RBL1: variants seen among roughly 807,000 people sequenced by gnomAD.
RBL1 encodes retinoblastoma-like protein 1.
RBL1 carries 82 observed loss-of-function variants against 123.0 expected under a neutral mutation model. That is an observed-to-expected ratio of 0.67 (90% CI 0.56 to 0.80). The LOEUF is 0.80. RBL1 is among the 30% of genes least tolerant of loss of function. The pLI is 0.00. For missense variants in RBL1, 1,171 were observed against 1,299.6 expected (o/e 0.90, Z 1.52); for synonymous variants, 405 against 441.3 (o/e 0.92, Z 1.03).
rs2094080888 is a variant in RBL1, at chr20:37,018,269, G to A, written c.2722+10C>T. On this transcript the variant is annotated intron_variant, in intron 19 of 21. Coordinates refer to ENST00000373664, the MANE Select transcript of RBL1 (RefSeq NM_002895.5). ...GTTTTACATATAATATGTTAAATTG[G>A]ATAACTTACCACAATCTATCATTTC... 1 of 1,602,236 alleles carries A rather than the reference G, an allele frequency of 6.2e-7. No homozygotes were observed. The highest frequency in any genetic ancestry group is 8.5e-7 in the Non-Finnish European group (1 of 1,175,378).
intron 20 of RBL1, 152 bp downstream of exon 20, chr20:37,007,259 T>C (rs1402172770): frequency 1.2e-6 from 1 of 805,036 alleles, no homozygotes; most frequent in Non-Finnish European, 1.9e-6. Context: ...TGGTCTCTGT[T>C]GTACCATAGC....
In RBL1 at chr20:37,018,300, C is replaced by A; in HGVS notation, c.2701G>T (p.Asp901Tyr). 6.2e-7 allele frequency: 1 copy of A among 1,610,532 alleles called. No individual in the cohort carries two copies. Among genetic ancestry groups the A allele is most frequent in the South Asian group, 1.1e-5 (1 of 90,062 alleles). Residue 901 changes from aspartate to tyrosine, a missense_variant, in exon 19 of 22, where the codon GAC (aspartate) becomes TAC (tyrosine). Asp to Tyr is a radical substitution (Grantham distance 160). Coordinates refer to ENST00000373664, the MANE Select transcript of RBL1 (RefSeq NM_002895.5). ...TTACCACAATCTATCATTTCAAAGT[C>A]ATCATTTATATTTTTATTATATGCC... ...VVAYNKNINDDFEMIDCDLED... is the reference protein window; with the variant it reads ...VVAYNKNINDYFEMIDCDLED...
chr20:37,012,262 T>C (rs1452120459), intron 19 of RBL1, among the ~76,000 whole-genome samples: 1 of 152,176 alleles, frequency 6.6e-6, no homozygotes, highest in Non-Finnish European at 1.5e-5. Flanking sequence ...AGTGCCGAGA[T>C]TGCAGCCTCT....
chr20:37,092,307 A>AT (rs1392689455), intron 1 of RBL1, among the ~76,000 whole-genome samples: 3 of 152,142 alleles, frequency 2.0e-5, no homozygotes, highest in Admixed American at 6.6e-5. Flanking sequence ...TATTGTTTCG[A>AT]TTTTTTTAAA....
chr20:37,055,031 T>C (rs914626581), intron 11 of RBL1, among the ~76,000 whole-genome samples: 2 of 152,068 alleles, frequency 1.3e-5, no homozygotes, highest in African/African-American at 4.8e-5. Context: ...CTGTTCCTAT[T>C]GGGATAGAAA....
At chr20:37,068,895 C>G (rs2065228020) in intron 2 of RBL1, among the ~76,000 whole-genome samples, 1 of 152,200 alleles carries the variant, frequency 6.6e-6, no homozygotes, top group East Asian at 1.9e-4. Context: ...CCCTCTCATG[C>G]TGAGCCGAAG....
In RBL1 at chr20:37,003,894, TAG is replaced by T. The variant is rs150400342; in HGVS notation, c.2872-30_2872-29del. The T allele has an allele frequency of 4.5e-3, 6,996 of 1,555,418 alleles. 249 individuals carry two copies. In the African/African-American group the frequency reaches 0.083, roughly 19 times the overall value. Reference sequence around the variant, plus strand: ...AAAATAACCCAAAAGTCAGATTTTTTAGATAAAAGTTTTTCTTTGTTTTTGAA... The same window carrying T: ...AAAATAACCCAAAAGTCAGATTTTTTATAAAAGTTTTTCTTTGTTTTTGAA... On this transcript the variant is annotated intron_variant, in intron 20 of 21. Coordinates refer to ENST00000373664, the MANE Select transcript of RBL1 (RefSeq NM_002895.5).
intron 2 of RBL1, among the ~76,000 whole-genome samples, chr20:37,085,647 ATTTTTTTTTTTTT>A (rs1202673380): frequency 2.4e-5 from 2 of 84,606 alleles, no homozygotes; most frequent in Admixed American, 3.2e-4. Flanking sequence ...TTGAAATTTG[ATTTTTTTTTTTTT>A]TTTTTTTTTT....
In RBL1 at chr20:37,054,211, G is replaced by A. The variant is rs1233753045; in HGVS notation, c.1467+1342C>T. ...TTTCAAAATAAAAAGTTGGCCAGGT[G>A]CAGTGGCTCACACCTGTAATCCCAG... On this transcript the variant is annotated intron_variant, in intron 11 of 21. Transcript: ENST00000373664. 2.0e-5 allele frequency among the ~76,000 whole-genome samples: 3 copies of A among 152,180 alleles called. No homozygotes were observed. The East Asian group carries it at 5.8e-4, about 29-fold the overall frequency.
chr20:37,016,729 C>A (rs2064259410), intron 19 of RBL1, among the ~76,000 whole-genome samples: 1 of 151,810 alleles, frequency 6.6e-6, no homozygotes, highest in Non-Finnish European at 1.5e-5. Flanking sequence ...GAGTTGGAGA[C>A]CAGCCTGGGC....
chr20:37,002,947 C>T (rs2064012332), intron 21 of RBL1, among the ~76,000 whole-genome samples: 1 of 151,956 alleles, frequency 6.6e-6, no homozygotes, highest in Admixed American at 6.6e-5. Flanking sequence ...TGGTCTTGAA[C>T]TCCTGAGCTC....
chr20:37,045,071 CATTTATTTACTTATTTATTT>C (rs1234769362), intron 12 of RBL1, among the ~76,000 whole-genome samples: 186 of 142,704 alleles, frequency 1.3e-3, no homozygotes, highest in African/African-American at 4.6e-3. Context: ...TTAATATTCA[CATTTATTTACTTATTTATTT>C]ATTTATTTAT....
At chr20:37,037,044 G>A (rs17722686) in intron 14 of RBL1, among the ~76,000 whole-genome samples, 1,808 of 152,254 alleles carry the variant, frequency 0.012, 29 homozygotes, top group Non-Finnish European at 0.014. Flanking sequence ...AAAAATCTCC[G>A]TAATTCTTGG....
At chr20:37,058,135 C>CA (rs796829143) in intron 9 of RBL1, among the ~76,000 whole-genome samples, 1 of 125,988 alleles carries the variant, frequency 7.9e-6, no homozygotes, top group Non-Finnish European at 1.7e-5. Context: ...AAAAACAAAA[C>CA]AAAACAAAAA....
intron 1 of RBL1, among the ~76,000 whole-genome samples, chr20:37,093,934 C>T (rs145799251): frequency 4.6e-5 from 7 of 152,020 alleles, no homozygotes; most frequent in African/African-American, 1.2e-4. Flanking sequence ...AGCCACCGTG[C>T]GCCCGGCCAA....
chr20:37,050,903 A>T (rs1171880346), intron 11 of RBL1, among the ~76,000 whole-genome samples: 5 of 152,210 alleles, frequency 3.3e-5, no homozygotes. Flanking sequence ...TGAGAATGTC[A>T]CTGGACTTCT....
At position 37,084,174 on chromosome 20, in the gene RBL1, A is replaced by G. The variant is rs6031267; in HGVS notation, c.290+4815T>C. 5.4e-3 allele frequency among the ~76,000 whole-genome samples: 823 copies of G among 152,158 alleles called. 8 individuals carry two copies. Among genetic ancestry groups the G allele is most frequent in the African/African-American group, 0.019 (780 of 41,502 alleles). On this transcript the variant is annotated intron_variant, in intron 2 of 21. Transcript: ENST00000373664. ...CTTGGCCTCCCAAAGTGCTGGGATT[A>G]CAGGTGTGTGCCACTGGGCCTGACC...
intron 11 of RBL1, 149 bp from the exon 12 acceptor site, chr20:37,047,339 G>T (rs1460652535): frequency 7.8e-6 from 7 of 897,598 alleles, no homozygotes; most frequent in Non-Finnish European, 1.1e-5. Flanking sequence ...TCTCAAATTG[G>T]TAGTTTTCCT....
intron 19 of RBL1, among the ~76,000 whole-genome samples, chr20:37,010,729 G>A (rs145243634): frequency 0.022 from 3,292 of 152,050 alleles, 55 homozygotes; most frequent in Middle Eastern, 0.037. Flanking sequence ...GGACCATCAC[G>A]GACTCAAACA....
Sources: allele counts gnomAD v4.1 joint callset (sites outside exome capture counted in the v4.1 genomes callset), GRCh38; gene constraint gnomAD v4.1.1; transcripts MANE v1.5; gene names NCBI Gene and HGNC (gene_info 2026-07-23, HGNC 2026-07-21).